ISLR2: variants seen among roughly 807,000 people sequenced by gnomAD.
The protein encoded by ISLR2 is immunoglobulin superfamily containing leucine rich repeat 2.
A neutral mutation model predicts 25.5 loss-of-function variants in ISLR2; 16 were observed. The observed-to-expected ratio is 0.63, with a 90% CI of 0.43 to 0.95. ISLR2 has a LOEUF of 0.95. Ranked by LOEUF, ISLR2 falls within the 40% of genes least tolerant of loss-of-function variation. ISLR2 has a pLI of 0.00. For synonymous variants in ISLR2, 508 were observed against 486.6 expected, an observed-to-expected ratio of 1.04 and a Z score of -0.58; for missense variants, 883 against 1,030.7, an observed-to-expected ratio of 0.86 and a Z score of 1.96.
rs1244017602 is a variant in ISLR2 at position 74,134,304 on chromosome 15, G to A, written c.1550G>A (p.Gly517Asp). The A allele has an allele frequency of 2.0e-6, 3 of 1,528,220 alleles. No individual in the cohort carries two copies. Among genetic ancestry groups the A allele is most frequent in the Middle Eastern group, 1.8e-4 (1 of 5,538 alleles). The allele number at this position is 1,528,220 out of a possible 1,614,324, so 94.7% of individuals were successfully genotyped here. A position where few individuals can be genotyped will look rare whatever the true frequency, so the allele number is the denominator to read the frequency against. Reference sequence around the variant, plus strand: ...TGGGGCCCTGGGCCCGGCGGGGCTGGCGGAGCCCCGCGACCCGGGCGGCGA... The same window carrying A: ...TGGGGCCCTGGGCCCGGCGGGGCTGACGGAGCCCCGCGACCCGGGCGGCGA... Reference protein sequence around the residue: ...ARWGPGPGGAGGAPRPGRRPL... With the variant: ...ARWGPGPGGADGAPRPGRRPL... The change falls in exon 3 of 3, where the codon GGC (glycine) becomes GAC (aspartate). Residue 517 changes from glycine (G) to aspartate (D), a missense_variant. Transcript: ENST00000453268.
At chr15:74,122,144 C>T (rs1486789386) in intron 2 of ISLR2, among the ~76,000 whole-genome samples, 1 of 152,238 alleles carries the variant, frequency 6.6e-6, no homozygotes, top group Non-Finnish European at 1.5e-5. Context: ...TTGACCCAGA[C>T]TGCCCAGATA....
chr15:74,113,326 T>A lies in ISLR2; in HGVS notation n.228+9412T>A, dbSNP rs768309670. On this transcript the variant is annotated intron_variant and non_coding_transcript_variant, in intron 2 of 3. Coordinates refer to the ISLR2 transcript ENST00000561975. ...CCACCACACCCAACTCAGTTTTGAA[T>A]TTTTAGTAGAGATGGGGTTATGCCA... Among the ~76,000 whole-genome samples, 51 of 152,122 alleles carry A rather than the reference T, an allele frequency of 3.4e-4. 1 individual carries two copies. Among genetic ancestry groups the A allele is most frequent in the Non-Finnish European group, 6.0e-4 (41 of 68,030 alleles).
At chr15:74,131,678 C>T (rs1439933193) in intron 2 of ISLR2, among the ~76,000 whole-genome samples, 1 of 152,172 alleles carries the variant, frequency 6.6e-6, no homozygotes, top group Non-Finnish European at 1.5e-5. Flanking sequence ...AGCCCCATGA[C>T]CTGTTGGCTG....
upstream of ISLR2, chr15:74,128,722 C>T (rs753182268): frequency 7.5e-5 from 34 of 452,218 alleles, 2 homozygotes; most frequent in South Asian, 5.3e-4. Flanking sequence ...CCGAAAAGTC[C>T]CCTGGACACG....
chr15:74,129,100 G>GT, upstream of ISLR2: 2 of 451,726 alleles, frequency 4.4e-6, no homozygotes, highest in Non-Finnish European at 8.9e-6. The surrounding 1 kb of genome is among the most constrained non-coding windows in gnomAD (Gnocchi z 4.5). Context: ...ATGGGTCGGC[G>GT]GGGGGGGACT....
intron 2 of ISLR2, among the ~76,000 whole-genome samples, chr15:74,118,676 G>A (rs1481548165): frequency 5.0e-5 from 6 of 119,016 alleles, no homozygotes; most frequent in East Asian, 2.2e-4. Context: ...TATTATTATT[G>A]AGATGGAGTC....
downstream of ISLR2, among the ~76,000 whole-genome samples, chr15:74,138,989 G>A (rs1296446054): frequency 1.3e-5 from 2 of 152,174 alleles, no homozygotes; most frequent in Admixed American, 1.3e-4. Context: ...TCTCTTGTGG[G>A]AAGACAGGCC....
At chr15:74,114,368 A>G (rs966279986) in intron 2 of ISLR2, among the ~76,000 whole-genome samples, 25 of 152,226 alleles carry the variant, frequency 1.6e-4, no homozygotes, top group Admixed American at 1.6e-3. Flanking sequence ...CAGTTCTAAG[A>G]AAAATGGAAA....
upstream of ISLR2, chr15:74,130,487 C>T (rs2072385697): frequency 6.6e-6 from 1 of 152,586 alleles, no homozygotes; most frequent in African/African-American, 2.4e-5. Context: ...GCCTTCCCCC[C>T]CCACTTCAGC....
At chr15:74,139,299 T>C (rs531378305), downstream of ISLR2, among the ~76,000 whole-genome samples, 3 of 152,346 alleles carry the variant, frequency 2.0e-5, no homozygotes, top group African/African-American at 7.2e-5. Context: ...AAACTCTAGT[T>C]TCTGTCCAAA....
intron 2 of ISLR2, among the ~76,000 whole-genome samples, chr15:74,119,614 CA>C (rs955838999): frequency 2.0e-4 from 30 of 151,968 alleles, no homozygotes; most frequent in African/African-American, 7.0e-4. Flanking sequence ...GTTCTTACCA[CA>C]AAAATAATAA....
rs761427874 is a variant in ISLR2, at chr15:74,133,177, C to G, written c.423C>G (p.Asp141Glu). Residue 141 changes from aspartate (D) to glutamate (E), a missense_variant, in exon 3 of 3, where the codon GAC becomes GAG. By Grantham distance (45) the Asp-to-Glu change is conservative. Around this residue, in one of 2 missense-constraint regions of ISLR2, gnomAD observed 271 missense variants for 387.9 expected, o/e 0.70. Transcript: ENST00000453268. ...NHNRLGSLPRDALGALPDLRS... is the reference protein window; with the variant it reads ...NHNRLGSLPREALGALPDLRS... ...ACCGCCTGGGCTCTCTGCCCCGGGA[C>G]GCACTCGGTGCGCTACCCGACCTGC... The G allele has an allele frequency of 3.7e-6, 6 of 1,613,098 alleles. No homozygotes were observed. Among genetic ancestry groups the G allele is most frequent in the Admixed American group, 3.3e-5 (2 of 60,018 alleles).
chr15:74,101,011 AAAC>A (rs1216415246), intron 1 of ISLR2, among the ~76,000 whole-genome samples: 4 of 72,646 alleles, frequency 5.5e-5, no homozygotes, highest in Non-Finnish European at 1.1e-4. Flanking sequence ...CAAAAAGACA[AAAC>A]AACAACAAAA....
In ISLR2 at chr15:74,133,036, A is replaced by G; in HGVS notation, c.282A>G (p.Ala94=). 4 of 1,613,166 alleles carry G rather than the reference A, an allele frequency of 2.5e-6. No individual in the cohort carries two copies. The highest frequency in any genetic ancestry group is 3.4e-6 in the Non-Finnish European group (4 of 1,179,934). The part of the protein sequence containing the change: ...HNEVRTVEPG[A]LAVLSQLKNL... ...AGGTGCGCACCGTGGAGCCAGGCGC[A>G]CTGGCCGTGCTGAGTCAGCTCAAGA... Residue 94 remains alanine (A), a synonymous_variant, in exon 3 of 3, where the codon GCA becomes GCG. Coordinates refer to ENST00000453268, the MANE Select transcript of ISLR2 (RefSeq NM_020851.3).
At chr15:74,112,783 C>G (rs1261660438) in intron 2 of ISLR2, among the ~76,000 whole-genome samples, 1 of 151,576 alleles carries the variant, frequency 6.6e-6, no homozygotes, top group Non-Finnish European at 1.5e-5. Flanking sequence ...CCACCTCAGC[C>G]TCCTAAAGTG....
chr15:74,108,960 G>A (rs1206695347), intron 2 of ISLR2, among the ~76,000 whole-genome samples: 2 of 152,202 alleles, frequency 1.3e-5, no homozygotes, highest in African/African-American at 4.8e-5. Flanking sequence ...TATCTGGAAG[G>A]CTTCCTGACT....
chr15:74,107,318 C>A (rs1002221491), intron 2 of ISLR2, among the ~76,000 whole-genome samples: 1 of 152,224 alleles, frequency 6.6e-6, no homozygotes, highest in African/African-American at 2.4e-5. Context: ...CATAAGACTG[C>A]CCCATTGTCC....
chr15:74,134,063 G>A lies in ISLR2; in HGVS notation c.1309G>A (p.Glu437Lys), dbSNP rs1810133612. 1 of 1,613,630 alleles carries A rather than the reference G, an allele frequency of 6.2e-7. No individual in the cohort carries two copies. The highest frequency in any genetic ancestry group is 1.3e-5 in the African/African-American group (1 of 74,940). ...CGGGGAGACCGAGACGGAGCCGGAGGAGGACACAAGTGAGGGAGAGGAGGC... is the reference window on the plus strand; with the variant it reads ...CGGGGAGACCGAGACGGAGCCGGAGAAGGACACAAGTGAGGGAGAGGAGGC... ...ILGETETEPE[E>K]DTSEGEEAED... is the part of the protein sequence containing the mutation. Residue 437 changes from glutamate (E) to lysine (K), a missense_variant, in exon 3 of 3, where the codon GAG becomes AAG. Transcript: ENST00000453268.
upstream of ISLR2, among the ~76,000 whole-genome samples, chr15:74,125,116 G>A (rs2072283887): frequency 6.6e-6 from 1 of 152,196 alleles, no homozygotes; most frequent in Admixed American, 6.5e-5. Flanking sequence ...GGAGGAGCTG[G>A]CTGCCTCAGA....
Sources: allele counts gnomAD v4.1 joint callset (sites outside exome capture counted in the v4.1 genomes callset), GRCh38; gene constraint gnomAD v4.1.1; regional missense constraint gnomAD v4.1.1; non-coding constraint Gnocchi (gnomAD v3.1); transcripts MANE v1.5; gene names NCBI Gene and HGNC (gene_info 2026-07-23, HGNC 2026-07-21).